Variants in GLI3 observed in about 807,000 individuals in gnomAD.
GLI3 encodes the protein transcription activator GLI3.
In GLI3, 20 loss-of-function variants were observed where a neutral mutation model predicts 100.8. The ratio of observed to expected loss-of-function variants is 0.20; its 90% CI spans 0.14 to 0.29. The LOEUF (loss-of-function observed/expected upper bound fraction) is 0.29. Ranked by LOEUF, GLI3 falls within the 10% of genes least tolerant of loss-of-function variation. The probability of loss-of-function intolerance (pLI) is 1.00; values close to 1 mark genes in which losing one functional copy is unlikely to be tolerated. For missense variants in GLI3, 2,040 were observed against 2,128.5 expected, an observed-to-expected ratio of 0.96 and a Z score of 0.82; for synonymous variants, 938 against 860.5, an observed-to-expected ratio of 1.09 and a Z score of -1.58.
intron 1 of GLI3, among the ~76,000 whole-genome samples, chr7:42,258,547 A>G (rs1789108404): frequency 6.6e-6 from 1 of 151,990 alleles, no homozygotes; most frequent in Non-Finnish European, 1.5e-5. Flanking sequence ...TGTCACCATA[A>G]CTCTCTTCTT....
chr7:42,162,965 C>CTTTTTTTT (rs58993499), intron 2 of GLI3, among the ~76,000 whole-genome samples: 15 of 95,580 alleles, frequency 1.6e-4, no homozygotes, highest in African/African-American at 2.6e-4. Flanking sequence ...GAATAAACAC[C>CTTTTTTTT]TTTTTTTTTT....
intron 3 of GLI3, among the ~76,000 whole-genome samples, chr7:42,100,563 C>T (rs1347591881): frequency 6.7e-6 from 1 of 149,696 alleles, no homozygotes; most frequent in Admixed American, 6.6e-5. Flanking sequence ...TGGTAAAACC[C>T]CGTCTCTACA....
At chr7:42,148,536 A>G (rs963313066) in intron 2 of GLI3, 68 bp from the exon 3 acceptor site, 11 of 1,396,502 alleles carry the variant, frequency 7.9e-6, no homozygotes, top group Non-Finnish European at 1.0e-5. Flanking sequence ...ACCATGATCA[A>G]TTAGGTCTCA....
intron 3 of GLI3, among the ~76,000 whole-genome samples, chr7:42,112,939 G>A (rs1253947543): frequency 3.3e-5 from 5 of 152,256 alleles, no homozygotes; most frequent in East Asian, 1.9e-4. Flanking sequence ...TTGGGAGGCC[G>A]AGGTGGGCGG....
chr7:42,098,572 T>A (rs1275699359), intron 3 of GLI3, among the ~76,000 whole-genome samples: 3 of 152,200 alleles, frequency 2.0e-5, no homozygotes, highest in African/African-American at 7.2e-5. Context: ...ACCTACCATA[T>A]AAACCTACTG....
At chr7:42,093,701 C>G (rs1446977621) in intron 3 of GLI3, among the ~76,000 whole-genome samples, 1 of 152,090 alleles carries the variant, frequency 6.6e-6, no homozygotes. Context: ...AAATTTAATA[C>G]TGTCATGAAG....
intron 1 of GLI3, among the ~76,000 whole-genome samples, chr7:42,247,445 T>C (rs577005529): frequency 2.0e-5 from 3 of 152,284 alleles, no homozygotes; most frequent in South Asian, 4.2e-4. Flanking sequence ...GTCTAGTGTA[T>C]TGAGAGACAG....
chr7:41,980,289 T>C (rs909250173), intron 10 of GLI3, among the ~76,000 whole-genome samples: 20 of 152,212 alleles, frequency 1.3e-4, no homozygotes, highest in Non-Finnish European at 2.9e-4. Flanking sequence ...TTTAAAGTTA[T>C]GATGATGCAC....
chr7:42,077,256 G>A (rs1405750), intron 3 of GLI3, among the ~76,000 whole-genome samples: 71,317 of 151,866 alleles, frequency 0.47, 17,016 homozygotes, highest in East Asian at 0.55. Context: ...TTAAGTTTTA[G>A]ACAAAGACAC....
At chr7:42,150,327 T>C (rs928716181) in intron 2 of GLI3, 3 of 152,200 alleles carry the variant, frequency 2.0e-5, no homozygotes, top group Admixed American at 6.5e-5. Flanking sequence ...CCCCTCTAAC[T>C]AATATTTTTA....
At chr7:42,151,947 C>T (rs967126461) in intron 2 of GLI3, 1 of 152,016 alleles carries the variant, frequency 6.6e-6, no homozygotes, top group Non-Finnish European at 1.5e-5. Context: ...AGGACGTTTG[C>T]AATAAAAGTC....
intron 2 of GLI3, chr7:42,152,361 C>A: frequency 4.1e-6 from 4 of 980,954 alleles, no homozygotes; most frequent in Non-Finnish European, 4.8e-6. Flanking sequence ...ACAACACAGT[C>A]CCCAGGCTCT....
intron 10 of GLI3, among the ~76,000 whole-genome samples, chr7:42,010,525 G>A (rs1788584105): frequency 6.6e-6 from 1 of 152,168 alleles, no homozygotes; most frequent in African/African-American, 2.4e-5. Context: ...ATTTTCACCT[G>A]TGTTTTGATC....
chr7:42,052,953 C>T (rs896089458), intron 4 of GLI3, among the ~76,000 whole-genome samples: 15 of 152,312 alleles, frequency 9.8e-5, no homozygotes, highest in Non-Finnish European at 2.2e-4. Flanking sequence ...ACGGAGCCAT[C>T]TTCAAATTCT....
chr7:42,014,457 A>G lies in GLI3; in HGVS notation c.1497+9011T>C, dbSNP rs6942590. On this transcript the variant is annotated intron_variant, in intron 10 of 14. Coordinates refer to ENST00000395925, the MANE Select transcript of GLI3 (RefSeq NM_000168.6). ...ATGCCAAAAACCTCAGTCTTTTATT[A>G]TATTAGCTATAATCATAGATAAAAT... Among the ~76,000 whole-genome samples, 1,224 of 152,328 alleles carry G rather than the reference A, an allele frequency of 8.0e-3. 19 individuals carry two copies. Among genetic ancestry groups the G allele is most frequent in the African/African-American group, 0.028 (1,174 of 41,550 alleles).
intron 3 of GLI3, among the ~76,000 whole-genome samples, chr7:42,095,888 G>C (rs867852556): frequency 9.2e-5 from 14 of 152,258 alleles, no homozygotes; most frequent in East Asian, 3.9e-4. Context: ...ATATCTCCAG[G>C]GAAGGTACAG....
chr7:42,032,011 C>T (rs1789309533), intron 7 of GLI3, among the ~76,000 whole-genome samples: 2 of 152,148 alleles, frequency 1.3e-5, no homozygotes, highest in South Asian at 4.1e-4. Flanking sequence ...CAAACTGGTT[C>T]TTGTTTCTTA....
At chr7:42,252,393 A>G (rs547338685) in intron 1 of GLI3, among the ~76,000 whole-genome samples, 28 of 152,264 alleles carry the variant, frequency 1.8e-4, no homozygotes, top group African/African-American at 6.7e-4. Flanking sequence ...TAGGCTTAGT[A>G]CCTGGGTGAT....
chr7:42,248,556 C>T (rs1788997896), intron 1 of GLI3, among the ~76,000 whole-genome samples: 2 of 152,126 alleles, frequency 1.3e-5, no homozygotes, highest in Non-Finnish European at 2.9e-5. Flanking sequence ...ACAGTAGAGC[C>T]AGGAAAGGGC....
Sources: gnomAD v4.1 joint callset for allele counts (sites outside exome capture counted in the v4.1 genomes callset) on GRCh38, gnomAD v4.1.1 for gene constraint, MANE v1.5 for transcripts, NCBI Gene and HGNC (gene_info 2026-07-23, HGNC 2026-07-21) for gene names.